Variants in SLC1A2 observed in about 807,000 individuals in gnomAD.
The protein encoded by SLC1A2 is solute carrier family 1 member 2.
SLC1A2 carries 15 observed loss-of-function variants against 48.8 expected under a neutral mutation model. The observed-to-expected ratio is 0.31, with a 90% CI of 0.21 to 0.47. SLC1A2 has a LOEUF of 0.47. Among genes scored for constraint, SLC1A2 ranks in the 20% least tolerant of loss-of-function variants. The pLI is 0.99. For missense variants in SLC1A2, 502 were observed against 730.5 expected, an observed-to-expected ratio of 0.69 and a Z score of 3.61; for synonymous variants, 279 against 272.6, an observed-to-expected ratio of 1.02 and a Z score of -0.23.
intron 1 of SLC1A2, among the ~76,000 whole-genome samples, chr11:35,338,865 A>G (rs549109516): frequency 2.0e-5 from 3 of 152,230 alleles, no homozygotes; most frequent in Non-Finnish European, 4.4e-5. Context: ...CCTGATCAAG[A>G]TCACATAACC....
chr11:35,319,444 T>C (rs1025385997), intron 1 of SLC1A2, among the ~76,000 whole-genome samples: 1 of 152,226 alleles, frequency 6.6e-6, no homozygotes, highest in Non-Finnish European at 1.5e-5. Context: ...AGCCAGCTCT[T>C]GGCAAAACTC....
chr11:35,297,272 T>C (rs79689048), intron 6 of SLC1A2, among the ~76,000 whole-genome samples: 1,907 of 152,260 alleles, frequency 0.013, 97 homozygotes, highest in East Asian at 0.091. Context: ...CCCTGTGGCC[T>C]TCAGCTAGAA....
At chr11:35,285,165 C>A (rs1287467157) in intron 8 of SLC1A2, among the ~76,000 whole-genome samples, 1 of 152,064 alleles carries the variant, frequency 6.6e-6, no homozygotes, top group African/African-American at 2.4e-5. Context: ...TTTTTTGAGT[C>A]ACAGTCAGAA....
chr11:35,265,273 C>T, intron 10 of SLC1A2: 1 of 538,546 alleles, frequency 1.9e-6, no homozygotes, highest in Non-Finnish European at 3.2e-6. Context: ...ATAGGGGAAC[C>T]CGAATGGTTG....
intron 1 of SLC1A2, among the ~76,000 whole-genome samples, chr11:35,357,345 A>C (rs1853514600): frequency 6.6e-6 from 1 of 152,184 alleles, no homozygotes; most frequent in South Asian, 2.1e-4. Context: ...ATCTAAATCA[A>C]TGACTTAAAT....
chr11:35,395,021 C>T (rs1238910642), intron 1 of SLC1A2, among the ~76,000 whole-genome samples: 1 of 152,120 alleles, frequency 6.6e-6, no homozygotes, highest in South Asian at 2.1e-4. Flanking sequence ...GCGTCTTCCC[C>T]ACTGGTGCTC....
chr11:35,345,139 A>AT (rs1316518876), intron 1 of SLC1A2, among the ~76,000 whole-genome samples: 4 of 152,244 alleles, frequency 2.6e-5, no homozygotes, highest in Non-Finnish European at 5.9e-5. Context: ...CCAGTCCATG[A>AT]TGCTTGGCCT....
chr11:35,328,329 G>A (rs58900563), intron 1 of SLC1A2, among the ~76,000 whole-genome samples: 5,708 of 152,272 alleles, frequency 0.037, 340 homozygotes, highest in African/African-American at 0.13. Context: ...CTGGTAACTG[G>A]TAATAATAAG....
chr11:35,297,638 T>A (rs1396925944), intron 6 of SLC1A2: 2 of 152,188 alleles, frequency 1.3e-5, no homozygotes, highest in Non-Finnish European at 2.9e-5. Flanking sequence ...TTTAAGTTTT[T>A]CAAATTTTGA....
At chr11:35,367,181 G>C (rs1334585170) in intron 1 of SLC1A2, among the ~76,000 whole-genome samples, 1 of 152,158 alleles carries the variant, frequency 6.6e-6, no homozygotes, top group African/African-American at 2.4e-5. Flanking sequence ...ATGGTGCTTT[G>C]TGCAGTGCCA....
intron 1 of SLC1A2, among the ~76,000 whole-genome samples, chr11:35,324,086 A>C (rs1852161227): frequency 6.6e-6 from 1 of 152,260 alleles, no homozygotes; most frequent in Non-Finnish European, 1.5e-5. Flanking sequence ...AGATAAGATG[A>C]GAAATCGAAG....
intron 1 of SLC1A2, among the ~76,000 whole-genome samples, chr11:35,356,995 A>G (rs1450678708): frequency 1.3e-5 from 2 of 152,170 alleles, no homozygotes; most frequent in Non-Finnish European, 2.9e-5. Flanking sequence ...TAATCCCAGC[A>G]CGCTGGGAGG....
intron 1 of SLC1A2, among the ~76,000 whole-genome samples, chr11:35,409,498 T>G (rs952017026): frequency 1.5e-4 from 23 of 152,230 alleles, no homozygotes; most frequent in African/African-American, 5.5e-4. Flanking sequence ...TTTCTCTCTC[T>G]ATAGCAGGAC....
chr11:35,341,917 G>T (rs770487808), intron 1 of SLC1A2, among the ~76,000 whole-genome samples: 18 of 152,216 alleles, frequency 1.2e-4, no homozygotes, highest in Non-Finnish European at 1.6e-4. Context: ...TGCAATGAAA[G>T]TGTATGGACC....
chr11:35,305,160 C>T (rs1249534746), intron 5 of SLC1A2, among the ~76,000 whole-genome samples: 1 of 152,154 alleles, frequency 6.6e-6, no homozygotes. Context: ...GGGAGTGGAC[C>T]CACTGAGTGG....
intron 6 of SLC1A2, among the ~76,000 whole-genome samples, chr11:35,300,944 C>CTTG (rs1203424210): frequency 6.6e-6 from 1 of 152,118 alleles, no homozygotes; most frequent in South Asian, 2.1e-4. Flanking sequence ...ACTTGAGCTA[C>CTTG]AGTGAGGGAG....
chr11:35,416,776 G>A (rs1855615154), intron 1 of SLC1A2, among the ~76,000 whole-genome samples: 1 of 152,228 alleles, frequency 6.6e-6, no homozygotes, highest in Non-Finnish European at 1.5e-5. Flanking sequence ...ACAGCCTGAG[G>A]AGTCTTAGTA....
In SLC1A2 at chr11:35,264,256, T is replaced by C. The variant is rs574442027; in HGVS notation, c.1653+1271A>G. On this transcript the variant is annotated intron_variant, in intron 10 of 10. Coordinates refer to ENST00000278379, the MANE Select transcript of SLC1A2 (RefSeq NM_004171.4). ...ATTCTGGACCTATGTTACAATCCAG[T>C]AAAGAGAATTGTTTCTATGACACCC... 4.6e-5 allele frequency: 7 copies of C among 152,292 alleles called. No individual in the cohort carries two copies. The South Asian group carries it at 1.2e-3, about 27-fold the overall frequency. The allele number at this position is 152,292 out of a possible 1,614,324, so 9.4% of individuals were successfully genotyped here.
At chr11:35,337,889 T>C (rs995368751) in intron 1 of SLC1A2, among the ~76,000 whole-genome samples, 5 of 152,224 alleles carry the variant, frequency 3.3e-5, no homozygotes, top group African/African-American at 4.8e-5. Flanking sequence ...TGACTCATAA[T>C]TCATCATATC....
Sources: allele counts gnomAD v4.1 joint callset (sites outside exome capture counted in the v4.1 genomes callset), GRCh38; gene constraint gnomAD v4.1.1; transcripts MANE v1.5; gene names NCBI Gene and HGNC (gene_info 2026-07-23, HGNC 2026-07-21).